Variants in TNFRSF14 observed in about 807,000 individuals in gnomAD.
TNFRSF14 encodes tumor necrosis factor receptor superfamily member 14.
TNFRSF14 carries 18 observed loss-of-function variants against 34.1 expected under a neutral mutation model. The ratio of observed to expected loss-of-function variants is 0.53; its 90% confidence interval spans 0.36 to 0.78. The LOEUF (loss-of-function observed/expected upper bound fraction) is 0.78, where lower values mean the gene tolerates loss of function less well. Ranked by LOEUF, TNFRSF14 falls within the 30% of genes least tolerant of loss-of-function variation. The pLI, the probability that TNFRSF14 is intolerant of heterozygous loss-of-function variation, is 0.00. For synonymous variants in TNFRSF14, 157 were observed against 153.2 expected, an observed-to-expected ratio of 1.02 and a Z score of -0.18; for missense variants, 352 against 379.5, an observed-to-expected ratio of 0.93 and a Z score of 0.60.
At position 2,559,844 on chromosome 1, in the gene TNFRSF14, G is replaced by T. The variant is rs776730987; in HGVS notation, c.326G>T (p.Arg109Leu). The T allele has an allele frequency of 6.2e-7, 1 of 1,608,566 alleles. No individual in the cohort carries two copies. The highest frequency in any genetic ancestry group is 1.7e-4 in the Middle Eastern group (1 of 6,056). The change falls in exon 4 of 8, where the codon CGG becomes CTG. Residue 109 changes from arginine to leucine, a missense_variant. Transcript: ENST00000355716. ...CCAGCCATGGGCCTGCGCGCGAGCC[G>T]GAACTGCTCCAGGACAGAGAACGCC... ...CDPAMGLRAS[R>L]NCSRTENAVC...
In TNFRSF14 at chr1:2,561,769, C is replaced by G; in HGVS notation, c.648C>G (p.Cys216Trp). 1.2e-6 allele frequency: 2 copies of G among 1,613,910 alleles called. No individual in the cohort carries two copies. Among genetic ancestry groups the G allele is most frequent in the Non-Finnish European group, 1.7e-6 (2 of 1,180,002 alleles). The change falls in exon 6 of 8, where the codon TGC becomes TGG. Residue 216 changes from cysteine (C) to tryptophan (W), a missense_variant. Transcript: ENST00000355716. The surrounding 1 kb of genome is among the most constrained non-coding windows in gnomAD (Gnocchi z 6.0). The stretch of plus-strand genomic sequence containing the variant: ...GGAGCCTCGTCATCGTCATTGTTTG[C>G]TCCACAGTTGGCCTAATCATATGTG... Reference protein sequence around the residue: ...LSGSLVIVIVCSTVGLIICVK... With the variant: ...LSGSLVIVIVWSTVGLIICVK...
upstream of TNFRSF14, chr1:2,556,201 C>G (rs768725667): frequency 2.6e-5 from 11 of 427,972 alleles, no homozygotes; most frequent in Non-Finnish European, 4.5e-5. Flanking sequence ...CCCCTTTATT[C>G]GGCAAAAATG....
chr1:2,556,102 T>C (rs1044155249), upstream of TNFRSF14: 15 of 349,330 alleles, frequency 4.3e-5, no homozygotes, highest in East Asian at 8.1e-4. Flanking sequence ...ATGACTGAAA[T>C]TGGCCAGACC....
At chr1:2,558,603 A>C in intron 3 of TNFRSF14, 135 bp downstream of exon 3, 156 of 1,478,150 alleles carry the variant, frequency 1.1e-4, no homozygotes, top group Middle Eastern at 2.4e-4. Context: ...CCCCATCTCC[A>C]TGGATGCACC....
chr1:2,556,678 G>A lies in TNFRSF14; in HGVS notation c.14G>A (p.Gly5Glu). Residue 5 changes from glycine to glutamate, a missense_variant, in exon 1 of 8, where the codon GGA (glycine) becomes GAA (glutamate). Transcript: ENST00000355716. Reference protein sequence around the residue: MEPPGDWGPPPWRST... With the variant: MEPPEDWGPPPWRST... ...TGAGCCTGAGGCATGGAGCCTCCTG[G>A]AGACTGGGGGCCTCCTCCCTGGAGA... 6.2e-7 allele frequency: 1 copy of A among 1,609,780 alleles called. No individual in the cohort carries two copies. Among genetic ancestry groups the A allele is most frequent in the South Asian group, 1.1e-5 (1 of 90,328 alleles).
chr1:2,557,847 C>G lies in TNFRSF14; in HGVS notation c.178+13C>G, dbSNP rs372294575. On this transcript the variant is annotated intron_variant, in intron 2 of 7. Coordinates refer to ENST00000355716, the MANE Select transcript of TNFRSF14 (RefSeq NM_003820.4). ...AAGTGCAGTCCAGGTAGGTGCAGCC[C>G]TTTGGCGGGCCAGCTCTGTGGGCCG... 1.7e-4 allele frequency: 268 copies of G among 1,592,022 alleles called. No individual in the cohort carries two copies. The highest frequency in any genetic ancestry group is 2.1e-4 in the Non-Finnish European group (243 of 1,166,124).
rs1340422245 is a variant in TNFRSF14 at position 2,561,661 on chromosome 1, C to T, written c.552-12C>T. 2 of 1,612,772 alleles carry T rather than the reference C, an allele frequency of 1.2e-6. No individual in the cohort carries two copies. Among genetic ancestry groups the T allele is most frequent in the African/African-American group, 1.3e-5 (1 of 75,020 alleles). On this transcript the variant is annotated splice_polypyrimidine_tract_variant and intron_variant, in intron 5 of 7. Transcript: ENST00000355716. This position sits in a 1 kb window ranked among gnomAD's most constrained non-coding sequence, Gnocchi z 6.0. The stretch of plus-strand genomic sequence containing the variant: ...ACCTGCCTCTCCCACGTCCTCGGCC[C>T]CACTCCCGCAGGTGCAGCTGGCTGG...
At chr1:2,556,325 A>C (rs2100836691), upstream of TNFRSF14, 1 of 602,758 alleles carries the variant, frequency 1.7e-6, no homozygotes, top group Middle Eastern at 2.6e-4. Context: ...AGTGGACTGG[A>C]ATGGTGCAGG....
chr1:2,562,477 C>G (rs1644324424), intron 6 of TNFRSF14: 2 of 359,448 alleles, frequency 5.6e-6, no homozygotes, highest in Middle Eastern at 1.6e-3. Context: ...GCCTCAGGCT[C>G]TAGGGTAGGC....
chr1:2,559,489 C>T (rs376434665), intron 3 of TNFRSF14: 14 of 1,454,668 alleles, frequency 9.6e-6, no homozygotes, highest in South Asian at 4.8e-5. Context: ...GCACGTGGGG[C>T]GAGGACCTGC....
intron 6 of TNFRSF14, chr1:2,562,021 G>T (rs1177475229): frequency 4.8e-6 from 3 of 624,506 alleles, no homozygotes; most frequent in Non-Finnish European, 8.4e-6. Flanking sequence ...AGGGAAGGTG[G>T]GACCCCTGAC....
intron 3 of TNFRSF14, chr1:2,558,756 G>A: frequency 1.6e-6 from 2 of 1,243,440 alleles, no homozygotes; most frequent in African/African-American, 1.5e-5. Flanking sequence ...CCCGGGGTGG[G>A]TGCCCAGACC....
chr1:2,557,252 G>A (rs1644229465), intron 1 of TNFRSF14, among the ~76,000 whole-genome samples: 1 of 152,226 alleles, frequency 6.6e-6, no homozygotes, highest in South Asian at 2.1e-4. Context: ...GCCAGCCCAG[G>A]AACGAGGCCA....
At position 2,558,398 on chromosome 1, in the gene TNFRSF14, C is replaced by T. The variant is rs371061191; in HGVS notation, c.234C>T (p.Cys78=). The T allele has an allele frequency of 1.4e-5, 22 of 1,613,228 alleles. No homozygotes were observed. The African/African-American group carries it at 2.4e-4, about 18-fold the overall frequency. The stretch of plus-strand genomic sequence containing the variant: ...TGACGGGCACAGTGTGTGAACCCTG[C>T]CCTCCAGGCACCTACATTGCCCACC... The part of the protein sequence containing the change: ...GELTGTVCEP[C]PPGTYIAHLN... The change falls in exon 3 of 8, where the codon TGC becomes TGT. Residue 78 remains cysteine, a synonymous_variant. Transcript: ENST00000355716.
upstream of TNFRSF14, chr1:2,556,120 G>C: frequency 2.7e-6 from 1 of 363,642 alleles, no homozygotes; most frequent in South Asian, 2.3e-5. Flanking sequence ...ACCGCATTCT[G>C]GTGGTTTTAT....
chr1:2,558,523 G>C (rs201733743), intron 3 of TNFRSF14, 55 bp downstream of exon 3: 1 of 1,599,726 alleles, frequency 6.3e-7, no homozygotes, highest in Non-Finnish European at 8.5e-7. Context: ...GGATGCCCCC[G>C]CACCCTGCAC....
intron 3 of TNFRSF14, chr1:2,559,139 A>G (rs1357167540): frequency 8.1e-6 from 11 of 1,361,810 alleles, no homozygotes; most frequent in African/African-American, 2.9e-5. Context: ...GCCTGAGCCT[A>G]CAGGGAGGCA....
chr1:2,560,596 C>T (rs762739214), intron 4 of TNFRSF14, 28 bp from the exon 5 acceptor site: 12 of 1,592,834 alleles, frequency 7.5e-6, no homozygotes, highest in Middle Eastern at 1.7e-4. Context: ...GTGCCCTCAG[C>T]CCCCTCTGTC....
rs1644334103 is a variant in TNFRSF14 at position 2,563,079 on chromosome 1, T to C, written c.727-69T>C. 2.5e-6 allele frequency: 4 copies of C among 1,601,140 alleles called. No homozygotes were observed. The Admixed American group carries it at 6.8e-5, about 27-fold the overall frequency. ...CCCCCTCAAACTGAAAGCAGTAAAATGAACCCGAGAACCTGGAGTCCCAGG... is the reference window on the plus strand; with the variant it reads ...CCCCCTCAAACTGAAAGCAGTAAAACGAACCCGAGAACCTGGAGTCCCAGG... On this transcript the variant is annotated intron_variant, in intron 7 of 7. Coordinates refer to ENST00000355716, the MANE Select transcript of TNFRSF14 (RefSeq NM_003820.4).
Sources: gnomAD v4.1 joint callset for allele counts (sites outside exome capture counted in the v4.1 genomes callset) on GRCh38, gnomAD v4.1.1 for gene constraint, Gnocchi (gnomAD v3.1) non-coding constraint, MANE v1.5 for transcripts, NCBI Gene and HGNC (gene_info 2026-07-23, HGNC 2026-07-21) for gene names.